Variants in SS18 observed in about 807,000 individuals in gnomAD.
SS18 encodes the protein protein SSXT.
A neutral mutation model predicts 72.5 loss-of-function variants in SS18; 28 were observed. That is an observed-to-expected ratio of 0.39 (90% CI 0.29 to 0.53). The LOEUF (loss-of-function observed/expected upper bound fraction) is 0.53. SS18 is among the 20% of genes least tolerant of loss of function. SS18 has a pLI of 0.76. For missense variants in SS18, 518 were observed against 535.3 expected, an observed-to-expected ratio of 0.97 and a Z score of 0.32; for synonymous variants, 172 against 164.2, an observed-to-expected ratio of 1.05 and a Z score of -0.37.
chr18:26,083,551 T>C (rs2054566597), intron 2 of SS18, among the ~76,000 whole-genome samples: 1 of 152,166 alleles, frequency 6.6e-6, no homozygotes, highest in Admixed American at 6.5e-5. Context: ...GCTCCTAGGC[T>C]ACAAACCTGA....
chr18:26,072,540 C>G (rs562819669), intron 3 of SS18, among the ~76,000 whole-genome samples: 2 of 151,818 alleles, frequency 1.3e-5, no homozygotes, highest in Non-Finnish European at 2.9e-5. Context: ...ATGTTGCAGG[C>G]GGCGCGCAGC....
chr18:26,051,717 G>T (rs1271800843), intron 5 of SS18, among the ~76,000 whole-genome samples: 1 of 152,076 alleles, frequency 6.6e-6, no homozygotes, highest in Non-Finnish European at 1.5e-5. Flanking sequence ...AAAAAATGTA[G>T]CAAGTGCCAG....
At chr18:26,063,308 A>G (rs1228856366) in intron 3 of SS18, among the ~76,000 whole-genome samples, 1 of 152,210 alleles carries the variant, frequency 6.6e-6, no homozygotes, top group Admixed American at 6.5e-5. Context: ...TCACGAGGTC[A>G]GGAGATCGAG....
At chr18:26,066,931 A>G (rs1331580436) in intron 3 of SS18, among the ~76,000 whole-genome samples, 2 of 152,202 alleles carry the variant, frequency 1.3e-5, no homozygotes, top group African/African-American at 4.8e-5. Flanking sequence ...CTCTGAATAC[A>G]AAGTATTTCT....
At chr18:26,076,241 T>C (rs2144131043) in intron 3 of SS18, among the ~76,000 whole-genome samples, 1 of 146,022 alleles carries the variant, frequency 6.8e-6, no homozygotes, top group East Asian at 2.0e-4. Context: ...TATATGGAAA[T>C]GCAAAGAACC....
At chr18:26,080,355 T>C (rs1336409271) in intron 2 of SS18, 1 of 985,336 alleles carries the variant, frequency 1.0e-6, no homozygotes, top group Non-Finnish European at 1.2e-6. Flanking sequence ...ATTAGTATGG[T>C]TGCACGACAT....
intron 3 of SS18, among the ~76,000 whole-genome samples, chr18:26,063,032 G>C (rs2054151109): frequency 6.6e-6 from 1 of 152,140 alleles, no homozygotes; most frequent in Admixed American, 6.5e-5. Context: ...GACCTAATTT[G>C]TATTTACAGA....
At position 26,057,687 on chromosome 18, in the gene SS18, G is replaced by A. The variant is rs1380886817; in HGVS notation, c.287C>T (p.Pro96Leu). 6.2e-7 allele frequency: 1 copy of A among 1,614,110 alleles called. No homozygotes were observed. The highest frequency in any genetic ancestry group is 2.2e-5 in the East Asian group (1 of 44,886). Residue 96 changes from proline to leucine, a missense_variant, in exon 4 of 11, where the codon CCC (proline) becomes CTC (leucine). By Grantham distance (98) the Pro-to-Leu change is moderately conservative (BLOSUM62 -3). Transcript: ENST00000415083. ...GPGGMNQSGP[P>L]PPPRSHNMPS... ...CATGTTGTGAGAGCGTGGAGGTGGGGGAGGGCCGCTCTGATTCATCCCTCC... is the reference window on the plus strand; with the variant it reads ...CATGTTGTGAGAGCGTGGAGGTGGGAGAGGGCCGCTCTGATTCATCCCTCC...
intron 9 of SS18, 145 bp from the exon 10 acceptor site, chr18:26,032,677 T>A: frequency 1.2e-6 from 1 of 852,018 alleles, no homozygotes; most frequent in Non-Finnish European, 1.7e-6. Context: ...CTCAAATGCT[T>A]TCTGAAATAA....
intron 2 of SS18, among the ~76,000 whole-genome samples, chr18:26,085,451 T>C (rs938532685): frequency 2.6e-5 from 4 of 152,232 alleles, no homozygotes; most frequent in African/African-American, 7.2e-5. Flanking sequence ...TCTAAAAACC[T>C]GGCTGGGAGA....
chr18:26,027,647 G>C (rs1406340873), intron 10 of SS18, among the ~76,000 whole-genome samples: 4 of 122,446 alleles, frequency 3.3e-5, no homozygotes, highest in Middle Eastern at 0.013. Flanking sequence ...ACACCAGCCT[G>C]GTGGTGACAG....
At chr18:26,044,231 G>A (rs1239788600) in intron 5 of SS18, among the ~76,000 whole-genome samples, 2 of 151,900 alleles carry the variant, frequency 1.3e-5, no homozygotes, top group Non-Finnish European at 2.9e-5. Flanking sequence ...TCTAAGTATA[G>A]GCTACTATAC....
intron 4 of SS18, among the ~76,000 whole-genome samples, chr18:26,054,590 T>C (rs2053982104): frequency 6.6e-6 from 1 of 152,008 alleles, no homozygotes; most frequent in Non-Finnish European, 1.5e-5. Flanking sequence ...TCTATTTACA[T>C]ATGGAATAAA....
Position 26,035,838 on chromosome 18 carries a change from G to A in SS18, c.966C>T (p.Tyr322=), listed in dbSNP as rs1333648123. The change falls in exon 8 of 11, where the codon TAC becomes TAT. Residue 322 remains tyrosine, a synonymous_variant. Coordinates refer to ENST00000415083, the MANE Select transcript of SS18 (RefSeq NM_001007559.3). The surrounding 1 kb of genome is among the most constrained non-coding windows in gnomAD (Gnocchi z 4.4). ...RPYEDSSQHY[Y]EGGNSQYGQQ... ...GTGAAGGTATATAGATACCTCCTTC[G>A]TAGTAATGTTGTGAGGAATCCTCAT... The A allele has an allele frequency of 1.9e-6, 3 of 1,595,590 alleles. No homozygotes were observed. The highest frequency in any genetic ancestry group is 2.6e-6 in the Non-Finnish European group (3 of 1,168,276).
chr18:26,046,209 A>G (rs1221094589), intron 5 of SS18, among the ~76,000 whole-genome samples: 11 of 139,994 alleles, frequency 7.9e-5, no homozygotes, highest in South Asian at 2.1e-4. Flanking sequence ...AAAAAAAAAA[A>G]AAGAAGTAGA....
intron 3 of SS18, among the ~76,000 whole-genome samples, chr18:26,061,794 T>C (rs1156556694): frequency 1.3e-5 from 2 of 152,060 alleles, no homozygotes; most frequent in African/African-American, 4.8e-5. Context: ...GAACAAAATA[T>C]ATCAAGCTAA....
chr18:26,074,448 A>C (rs185806272), intron 3 of SS18, among the ~76,000 whole-genome samples: 53 of 152,196 alleles, frequency 3.5e-4, no homozygotes, highest in Non-Finnish European at 6.8e-4. Context: ...GCTACAACCG[A>C]AACAAGATAC....
At chr18:26,081,811 A>T (rs2054528618) in intron 2 of SS18, among the ~76,000 whole-genome samples, 1 of 152,082 alleles carries the variant, frequency 6.6e-6, no homozygotes, top group Non-Finnish European at 1.5e-5. Flanking sequence ...TAATCCCAGC[A>T]CTTTGGGAGG....
Position 26,026,536 on chromosome 18 carries a change from G to A in SS18, c.1230+5863C>T, listed in dbSNP as rs116566736. On this transcript the variant is annotated intron_variant, in intron 10 of 10. Coordinates refer to ENST00000415083, the MANE Select transcript of SS18 (RefSeq NM_001007559.3). ...AACCCTACATGAACATCTTATATAAGGATGAAAAATGACAACTTTCTCTCT... is the reference window on the plus strand; with the variant it reads ...AACCCTACATGAACATCTTATATAAAGATGAAAAATGACAACTTTCTCTCT... 6.8e-3 allele frequency among the ~76,000 whole-genome samples: 1,037 copies of A among 152,102 alleles called. 8 individuals carry two copies. Among genetic ancestry groups the A allele is most frequent in the African/African-American group, 0.024 (979 of 41,472 alleles).
Sources: gnomAD v4.1 joint callset for allele counts (sites outside exome capture counted in the v4.1 genomes callset) on GRCh38, gnomAD v4.1.1 for gene constraint, Gnocchi (gnomAD v3.1) non-coding constraint, MANE v1.5 for transcripts, NCBI Gene and HGNC (gene_info 2026-07-23, HGNC 2026-07-21) for gene names.